The following ARHGAP36 variants were observed in gnomAD, a reference collection of about 807,000 sequenced individuals.
The protein encoded by ARHGAP36 is Rho GTPase activating protein 36.
In ARHGAP36, 7 loss-of-function variants were observed where a neutral mutation model predicts 32.9. The ratio of observed to expected loss-of-function variants is 0.21; its 90% CI spans 0.12 to 0.40. ARHGAP36 has a LOEUF of 0.40. Ranked by LOEUF, ARHGAP36 falls within the 10% of genes least tolerant of loss-of-function variation. The pLI, the probability that ARHGAP36 is intolerant of heterozygous loss-of-function variation, is 1.00. For missense variants in ARHGAP36, 383 were observed against 442.2 expected (o/e 0.87, Z 1.20); for synonymous variants, 165 against 168.3 (o/e 0.98, Z 0.15).
At chrX:131,076,595 G>T (rs1052812171) in intron 1 of ARHGAP36, among the ~76,000 whole-genome samples, 3 of 112,572 alleles carry the variant, frequency 2.7e-5, no homozygotes, top group African/African-American at 9.7e-5. Context: ...ATGGAATCAG[G>T]CTTTGATTAT....
At chrX:131,059,000 C>T (rs2079655306) in intron 1 of ARHGAP36, among the ~76,000 whole-genome samples, 1 of 112,363 alleles carries the variant, frequency 8.9e-6, no homozygotes, top group African/African-American at 3.2e-5. Flanking sequence ...AGGTTGGCAG[C>T]ATACCTGGGT....
intron 1 of ARHGAP36, among the ~76,000 whole-genome samples, chrX:131,065,035 GTGTGTT>G (rs1196577032): frequency 7.3e-5 from 2 of 27,347 alleles, no homozygotes; most frequent in African/African-American, 1.4e-4. Context: ...GGAAGTGTGT[GTGTGTT>G]TGTGTGTGTG....
At chrX:131,086,185 C>G (rs895474912) in intron 9 of ARHGAP36, 96 bp downstream of exon 9, 1 of 1,119,357 alleles carries the variant, frequency 8.9e-7, no homozygotes, top group East Asian at 3.0e-5. Flanking sequence ...GTAGCCAAAA[C>G]AGGCAGCCAC....
chrX:131,079,425 ACTC>A (rs1307564359), intron 1 of ARHGAP36, among the ~76,000 whole-genome samples: 1 of 108,420 alleles, frequency 9.2e-6, no homozygotes, highest in African/African-American at 3.4e-5. Context: ...CCACAGGAAA[ACTC>A]CTCATCTTTT....
chrX:131,081,971 C>T, intron 2 of ARHGAP36, 53 bp downstream of exon 2: 7 of 1,177,748 alleles, frequency 5.9e-6, no homozygotes, highest in Non-Finnish European at 8.0e-6. Flanking sequence ...GTGGACCCTC[C>T]GGGCAGGACG....
At chrX:131,074,178 T>A (rs1406262918) in intron 1 of ARHGAP36, among the ~76,000 whole-genome samples, 1 of 111,410 alleles carries the variant, frequency 9.0e-6, no homozygotes, top group Admixed American at 9.5e-5. Flanking sequence ...CTTCCGGGAG[T>A]GTCCCCATCA....
chrX:131,081,436 A>C (rs370968665), intron 1 of ARHGAP36, 88 bp from the exon 2 acceptor site: 1 of 697,634 alleles, frequency 1.4e-6, no homozygotes. Flanking sequence ...CTCTCTTTGT[A>C]CTTTTTTTTT....
At chrX:131,087,410 A>C (rs1003122643) in intron 11 of ARHGAP36, among the ~76,000 whole-genome samples, 2 of 111,349 alleles carry the variant, frequency 1.8e-5, no homozygotes, top group South Asian at 7.6e-4. Flanking sequence ...TCAGCTCTTT[A>C]TGTGGTTCCA....
intron 5 of ARHGAP36, 76 bp from the exon 6 acceptor site, chrX:131,084,550 G>A: frequency 8.6e-7 from 1 of 1,161,835 alleles, no homozygotes; most frequent in East Asian, 3.0e-5. Context: ...CGATGCAGTA[G>A]GGGGTGAGGG....
intron 1 of ARHGAP36, among the ~76,000 whole-genome samples, chrX:131,061,331 G>A (rs1046066111): frequency 3.6e-5 from 4 of 110,969 alleles, no homozygotes; most frequent in Admixed American, 9.6e-5. Context: ...TTTTCAGGGC[G>A]ACAACGGGCA....
At chrX:131,083,366 G>T in intron 3 of ARHGAP36, 136 bp downstream of exon 3, 1 of 647,648 alleles carries the variant, frequency 1.5e-6, no homozygotes, top group Non-Finnish European at 2.3e-6. Context: ...ACCCCACAGT[G>T]GGTGATATCA....
chrX:131,081,271 G>T (rs1286056580), intron 1 of ARHGAP36, among the ~76,000 whole-genome samples: 2 of 107,754 alleles, frequency 1.9e-5, no homozygotes, highest in Admixed American at 2.0e-4. Flanking sequence ...ATCCAACCTG[G>T]ACAGCATCGA....
At position 131,080,398 on chromosome X, in the gene ARHGAP36, TA is replaced by T. The variant is rs138310432; in HGVS notation, c.-142-1111del. On this transcript the variant is annotated intron_variant, in intron 1 of 11. Coordinates refer to ENST00000276211, the MANE Select transcript of ARHGAP36 (RefSeq NM_144967.4). ...CTCCTTCACTGCACTGTTAAATCTTTAAAAAAAAAAAAAAAGAAATAGTATT... is the reference window on the plus strand; with the variant it reads ...CTCCTTCACTGCACTGTTAAATCTTTAAAAAAAAAAAAAAGAAATAGTATT... 9.3e-3 allele frequency among the ~76,000 whole-genome samples: 954 copies of T among 102,778 alleles called. 5 individuals carry two copies. The highest frequency in any genetic ancestry group is 0.022 in the African/African-American group (629 of 28,157). The allele number at this position is 102,778 out of a possible 115,157, so 89.3% of individuals were successfully genotyped here.
intron 1 of ARHGAP36, among the ~76,000 whole-genome samples, chrX:131,070,510 C>T: frequency 9.0e-6 from 1 of 111,679 alleles, no homozygotes; most frequent in East Asian, 2.8e-4. Context: ...ATAGCATTGG[C>T]ACACTCCTGG....
At chrX:131,067,860 C>T (rs778486830) in intron 1 of ARHGAP36, among the ~76,000 whole-genome samples, 8 of 111,847 alleles carry the variant, frequency 7.2e-5, no homozygotes, top group Non-Finnish European at 1.5e-4. Context: ...ACACACTACA[C>T]AGTTCAACAG....
chrX:131,071,260 C>T (rs2079732228), intron 1 of ARHGAP36, among the ~76,000 whole-genome samples: 1 of 110,702 alleles, frequency 9.0e-6, no homozygotes, highest in Non-Finnish European at 1.9e-5. Context: ...AACTGCTGCT[C>T]CCTCCCTTTC....
chrX:131,083,734 C>T lies in ARHGAP36; in HGVS notation c.320C>T (p.Ala107Val). The change falls in exon 4 of 12, where the codon GCT becomes GTT. Residue 107 changes from alanine (A) to valine (V), a missense_variant and splice_region_variant. Transcript: ENST00000276211. Reference protein sequence around the residue: ...WFLILRGQQRAVSHKTFGISL... With the variant: ...WFLILRGQQRVVSHKTFGISL... Reference sequence around the variant, plus strand: ...CATTCTTTCTCTCGTGGCTCCCCAGCTGTATCACACAAGACATTTGGCATT... The same window carrying T: ...CATTCTTTCTCTCGTGGCTCCCCAGTTGTATCACACAAGACATTTGGCATT... The T allele has an allele frequency of 3.3e-6, 4 of 1,208,511 alleles. No homozygotes were observed. Among genetic ancestry groups the T allele is most frequent in the Non-Finnish European group, 4.5e-6 (4 of 892,566 alleles).
In ARHGAP36 at chrX:131,083,218, G is replaced by A. The variant is rs867531126; in HGVS notation, c.307G>A (p.Gly103Arg). ...TLDKWFLILR[G>R]QQRAVSHKTF... is the part of the protein sequence containing the mutation. Reference sequence around the variant, plus strand: ...GGATAAGTGGTTTCTGATTTTGAGAGGACAGCAGAGGGGTGAGGGGGCTCT... The same window carrying A: ...GGATAAGTGGTTTCTGATTTTGAGAAGACAGCAGAGGGGTGAGGGGGCTCT... The change falls in exon 3 of 12, where the codon GGA becomes AGA. Residue 103 changes from glycine to arginine, a missense_variant. Coordinates refer to ENST00000276211, the MANE Select transcript of ARHGAP36 (RefSeq NM_144967.4). 8.3e-7 allele frequency: 1 copy of A among 1,210,085 alleles called. No homozygotes were observed.
intron 1 of ARHGAP36, among the ~76,000 whole-genome samples, chrX:131,079,322 G>A (rs967362744): frequency 2.7e-5 from 3 of 111,686 alleles, no homozygotes; most frequent in Non-Finnish European, 3.8e-5. Flanking sequence ...GGTGGTTGGG[G>A]TTAGGTGTTC....
Sources: gnomAD v4.1 joint callset for allele counts (sites outside exome capture counted in the v4.1 genomes callset) on GRCh38, gnomAD v4.1.1 for gene constraint, MANE v1.5 for transcripts, NCBI Gene and HGNC (gene_info 2026-07-23, HGNC 2026-07-21) for gene names.